The following SPOCK3 variants were observed in gnomAD, a reference collection of about 807,000 sequenced individuals.
The protein encoded by SPOCK3 is SPARC (osteonectin), cwcv and kazal like domains proteoglycan 3.
Under a neutral mutation model 56.6 loss-of-function variants are expected in SPOCK3, and 30 were observed. The observed-to-expected ratio is 0.53, with a 90% CI of 0.40 to 0.72. The LOEUF is 0.72. Among genes scored for constraint, SPOCK3 ranks in the 30% least tolerant of loss-of-function variants. The pLI is 0.00. For missense variants in SPOCK3, 527 were observed against 530.0 expected (o/e 0.99, Z 0.06); for synonymous variants, 196 against 183.3 (o/e 1.07, Z -0.56).
chr4:167,226,502 A>C (rs572900851), intron 2 of SPOCK3, among the ~76,000 whole-genome samples: 1 of 152,316 alleles, frequency 6.6e-6, no homozygotes, highest in Non-Finnish European at 1.5e-5. Context: ...TATTTTCAAT[A>C]GATATTTAGA....
intron 5 of SPOCK3, among the ~76,000 whole-genome samples, chr4:166,893,594 G>C (rs983419788): frequency 2.0e-5 from 3 of 152,020 alleles, no homozygotes; most frequent in Admixed American, 1.3e-4. Context: ...AAAAAATATA[G>C]GGCTGAAATG....
intron 2 of SPOCK3, among the ~76,000 whole-genome samples, chr4:167,093,777 A>C (rs1758912914): frequency 6.6e-6 from 1 of 152,226 alleles, no homozygotes; most frequent in African/African-American, 2.4e-5. Context: ...TCTTTATAGT[A>C]GAACGATTTA....
At chr4:167,026,618 C>G (rs528887881) in intron 3 of SPOCK3, among the ~76,000 whole-genome samples, 26 of 152,012 alleles carry the variant, frequency 1.7e-4, no homozygotes, top group African/African-American at 6.3e-4. Flanking sequence ...CAGCTCTTCC[C>G]TATTGTTTGA....
intron 6 of SPOCK3, among the ~76,000 whole-genome samples, chr4:166,885,611 C>T (rs1380247272): frequency 2.6e-5 from 4 of 152,090 alleles, no homozygotes; most frequent in Non-Finnish European, 4.4e-5. Flanking sequence ...TACCCAGCTT[C>T]ACCTGTTACT....
At chr4:167,079,379 T>C (rs1267542821) in intron 2 of SPOCK3, among the ~76,000 whole-genome samples, 3 of 151,978 alleles carry the variant, frequency 2.0e-5, no homozygotes, top group African/African-American at 7.2e-5. Flanking sequence ...TGTGTTTTCT[T>C]TGAACATTTC....
chr4:167,112,953 C>T (rs80041428), intron 2 of SPOCK3, among the ~76,000 whole-genome samples: 21 of 152,150 alleles, frequency 1.4e-4, no homozygotes, highest in African/African-American at 3.1e-4. Context: ...TATCCAAGGA[C>T]GCTGGATAAC....
chr4:167,194,638 T>C (rs1360247841), intron 2 of SPOCK3, among the ~76,000 whole-genome samples: 1 of 152,178 alleles, frequency 6.6e-6, no homozygotes, highest in East Asian at 1.9e-4. Context: ...CCATTAGGAA[T>C]GTAGCTTATT....
chr4:167,138,817 G>C (rs968678995), intron 2 of SPOCK3, among the ~76,000 whole-genome samples: 5 of 151,860 alleles, frequency 3.3e-5, no homozygotes, highest in Admixed American at 2.0e-4. Flanking sequence ...AAATATACTA[G>C]AGGGAAGCTC....
intron 4 of SPOCK3, among the ~76,000 whole-genome samples, chr4:166,944,323 G>A (rs371342749): frequency 3.3e-5 from 5 of 151,720 alleles, no homozygotes; most frequent in South Asian, 4.2e-4. Flanking sequence ...TTCTTACAAC[G>A]ACATATCTCC....
intron 2 of SPOCK3, among the ~76,000 whole-genome samples, chr4:167,122,660 T>C (rs76014607): frequency 0.021 from 3,169 of 152,310 alleles, 52 homozygotes; most frequent in Non-Finnish European, 0.032. Context: ...ATATCCGTTA[T>C]TCTTCCTTCA....
chr4:166,805,794 A>G (rs1579281795), intron 6 of SPOCK3, among the ~76,000 whole-genome samples: 2 of 152,126 alleles, frequency 1.3e-5, no homozygotes, highest in East Asian at 3.8e-4. Context: ...TGGCTTTGCA[A>G]GAGCAAAATA....
chr4:167,186,901 C>T (rs1280162790), intron 2 of SPOCK3, among the ~76,000 whole-genome samples: 3 of 147,558 alleles, frequency 2.0e-5, no homozygotes, highest in Non-Finnish European at 3.0e-5. Context: ...CGCTGGAACC[C>T]GGGAGGCAGA....
intron 4 of SPOCK3, among the ~76,000 whole-genome samples, chr4:166,934,611 T>A (rs1740181035): frequency 6.6e-6 from 1 of 152,208 alleles, no homozygotes; most frequent in Non-Finnish European, 1.5e-5. Context: ...ATGTGTTTAC[T>A]TATAATAATC....
chr4:167,119,911 G>A (rs1227381193), intron 2 of SPOCK3: 6 of 1,363,156 alleles, frequency 4.4e-6, no homozygotes, highest in South Asian at 3.0e-5. Flanking sequence ...AAAGAAAAAA[G>A]GAAAGAAAGA....
In SPOCK3 at chr4:166,831,649, G is replaced by A. The variant is rs145555468; in HGVS notation, c.590-39360C>T. On this transcript the variant is annotated intron_variant, in intron 6 of 10. Transcript: ENST00000357545. ...ATCTATGGTTATAATGGTAATATGT[G>A]TCTTCTCTTTTATTTTCTTGACCAA... Among the ~76,000 whole-genome samples the A allele has an allele frequency of 2.5e-4, 37 of 147,550 alleles. No individual in the cohort carries two copies. The East Asian group carries it at 6.2e-3, about 25-fold the overall frequency.
chr4:166,872,047 CACAA>C (rs34876506), intron 6 of SPOCK3, among the ~76,000 whole-genome samples: 90,331 of 148,892 alleles, frequency 0.61, 27,709 homozygotes, highest in South Asian at 0.75. Flanking sequence ...CACACAAACA[CACAA>C]ACATACACAC....
intron 4 of SPOCK3, among the ~76,000 whole-genome samples, chr4:166,963,724 C>T (rs1003219676): frequency 4.6e-5 from 7 of 151,836 alleles, no homozygotes; most frequent in Non-Finnish European, 1.0e-4. Flanking sequence ...AAGCCTTTGG[C>T]TAACATTATT....
At chr4:166,761,141 G>A (rs374848275) in intron 7 of SPOCK3, among the ~76,000 whole-genome samples, 2 of 2,902 alleles carry the variant, frequency 6.9e-4, no homozygotes, top group Admixed American at 3.6e-3. Context: ...AACACATGAA[G>A]AAATGCTCAT....
chr4:167,010,292 G>A (rs938509831), intron 3 of SPOCK3, among the ~76,000 whole-genome samples: 20 of 151,968 alleles, frequency 1.3e-4, no homozygotes, highest in Non-Finnish European at 1.9e-4. Context: ...AGGCTGAGGT[G>A]GGCAGATCAC....
Sources: allele counts gnomAD v4.1 joint callset (sites outside exome capture counted in the v4.1 genomes callset), GRCh38; gene constraint gnomAD v4.1.1; transcripts MANE v1.5; gene names NCBI Gene and HGNC (gene_info 2026-07-23, HGNC 2026-07-21).